Variants in MSRA observed in about 807,000 individuals in gnomAD.
The protein encoded by MSRA is methionine sulfoxide reductase A, also known as mitochondrial peptide methionine sulfoxide reductase.
MSRA carries 54 observed loss-of-function variants against 31.3 expected under a neutral mutation model. That is an observed-to-expected ratio of 1.73 (90% confidence interval 1.39 to 2.17). The LOEUF (loss-of-function observed/expected upper bound fraction) is 2.17. Among genes scored for constraint, MSRA ranks in the 30% most tolerant of loss-of-function variants. MSRA has a pLI of 0.00. For synonymous variants in MSRA, 169 were observed against 116.5 expected (o/e 1.45, Z -2.90); for missense variants, 507 against 300.9 (o/e 1.69, Z -5.07).
chr8:10,073,632 A>C (rs1485212860), intron 1 of MSRA, among the ~76,000 whole-genome samples: 2 of 150,940 alleles, frequency 1.3e-5, no homozygotes, highest in Non-Finnish European at 2.9e-5. Flanking sequence ...ACACACTCTT[A>C]CTCTAATTGG....
intron 3 of MSRA, among the ~76,000 whole-genome samples, chr8:10,301,287 A>T (rs957059896): frequency 6.6e-6 from 1 of 152,198 alleles, no homozygotes; most frequent in Admixed American, 6.5e-5. Flanking sequence ...AACTTAAAAC[A>T]ATTTATTAGA....
intron 1 of MSRA, among the ~76,000 whole-genome samples, chr8:10,157,658 T>C (rs189584098): frequency 6.6e-6 from 1 of 152,004 alleles, no homozygotes; most frequent in Non-Finnish European, 1.5e-5. Context: ...TTCTTTAATA[T>C]CAAATATGAG....
chr8:10,203,689 G>A (rs1338853988), intron 1 of MSRA, among the ~76,000 whole-genome samples: 2 of 152,192 alleles, frequency 1.3e-5, no homozygotes, highest in African/African-American at 4.8e-5. Flanking sequence ...TTATGTATTT[G>A]CTATACTATA....
intron 5 of MSRA, among the ~76,000 whole-genome samples, chr8:10,422,143 A>G (rs768672974): frequency 2.0e-5 from 3 of 152,190 alleles, no homozygotes; most frequent in South Asian, 2.1e-4. Flanking sequence ...TTAGCCAGGT[A>G]TGGTGGTGTA....
chr8:10,366,911 G>A (rs1349383054), intron 5 of MSRA, among the ~76,000 whole-genome samples: 1 of 152,072 alleles, frequency 6.6e-6, no homozygotes, highest in Non-Finnish European at 1.5e-5. Flanking sequence ...GGGTTGACCT[G>A]AGGTCTTGTG....
At chr8:10,214,224 G>A (rs2129063208) in intron 2 of MSRA, among the ~76,000 whole-genome samples, 1 of 152,210 alleles carries the variant, frequency 6.6e-6, no homozygotes, top group Admixed American at 6.5e-5. Flanking sequence ...TTTTTGAACA[G>A]CTGTGTGAAT....
At chr8:10,102,676 C>A (rs1197397078) in intron 1 of MSRA, among the ~76,000 whole-genome samples, 2 of 152,154 alleles carry the variant, frequency 1.3e-5, no homozygotes, top group African/African-American at 4.8e-5. Context: ...TATATCCAGG[C>A]ATGTTGGGTA....
chr8:10,290,927 G>A (rs1800198831), intron 3 of MSRA, among the ~76,000 whole-genome samples: 1 of 152,134 alleles, frequency 6.6e-6, no homozygotes, highest in Non-Finnish European at 1.5e-5. Flanking sequence ...TGGGAGTTTG[G>A]TGCCAGTCTA....
At chr8:10,098,660 G>A (rs1445533556) in intron 1 of MSRA, among the ~76,000 whole-genome samples, 3 of 152,194 alleles carry the variant, frequency 2.0e-5, no homozygotes, top group Non-Finnish European at 2.9e-5. Flanking sequence ...TGTAGAGTGT[G>A]ATTATAAAAA....
intron 5 of MSRA, among the ~76,000 whole-genome samples, chr8:10,405,058 G>A (rs1275199382): frequency 1.3e-5 from 2 of 152,182 alleles, no homozygotes; most frequent in African/African-American, 2.4e-5. Flanking sequence ...TGGTCTGGTG[G>A]ATGTCGGACA....
In MSRA at chr8:10,343,034, CACACACACACACACACACAG is replaced by C. The variant is rs1295503086; in HGVS notation, c.543+23065_543+23084del. On this transcript the variant is annotated intron_variant, in intron 5 of 5. Transcript: ENST00000317173. ...TGCATAAGCATTACACACACACACA[CACACACACACACACACACAG>C]ACACACACACACACACACACATTTT... Among the ~76,000 whole-genome samples the C allele has an allele frequency of 8.3e-3, 890 of 107,744 alleles. 24 individuals are homozygous for C. The East Asian group carries it at 0.17, about 20-fold the overall frequency. 70.7% of individuals were successfully genotyped at this position (107,744 alleles called of 152,430 possible).
At chr8:10,298,703 T>G (rs1423358076) in intron 3 of MSRA, among the ~76,000 whole-genome samples, 1 of 152,228 alleles carries the variant, frequency 6.6e-6, no homozygotes, top group Non-Finnish European at 1.5e-5. Flanking sequence ...AATCATAAAG[T>G]AACAGCTTTG....
chr8:10,152,368 T>G (rs183676830), intron 1 of MSRA, among the ~76,000 whole-genome samples: 1 of 152,302 alleles, frequency 6.6e-6, no homozygotes, highest in East Asian at 1.9e-4. Context: ...TCAGAGGGAA[T>G]GTGTAATAAA....
chr8:10,296,574 A>G (rs1482758483), intron 3 of MSRA, among the ~76,000 whole-genome samples: 1 of 152,268 alleles, frequency 6.6e-6, no homozygotes, highest in Admixed American at 6.5e-5. Context: ...TCCCCATGTC[A>G]TCACGGCTGA....
In MSRA at chr8:10,260,030, G is replaced by C. The variant is rs575734193; in HGVS notation, c.331+14807G>C. On this transcript the variant is annotated intron_variant, in intron 3 of 5. Transcript: ENST00000317173. Reference sequence around the variant, plus strand: ...TGCGTCACTGAGAATGCATCAGAGGGAGCAGTTCCGGGAAAGAGAAAACAA... The same window carrying C: ...TGCGTCACTGAGAATGCATCAGAGGCAGCAGTTCCGGGAAAGAGAAAACAA... Among the ~76,000 whole-genome samples the C allele has an allele frequency of 2.6e-5, 4 of 152,236 alleles. No individual in the cohort carries two copies. The South Asian group carries it at 8.3e-4, about 31-fold the overall frequency.
chr8:10,357,306 C>T (rs1391459179), intron 5 of MSRA, among the ~76,000 whole-genome samples: 3 of 152,182 alleles, frequency 2.0e-5, no homozygotes, highest in Non-Finnish European at 2.9e-5. Flanking sequence ...CATTTGGGTA[C>T]TCAGTGGCAC....
chr8:10,164,155 G>A (rs1703829307), intron 1 of MSRA, among the ~76,000 whole-genome samples: 2 of 152,136 alleles, frequency 1.3e-5, no homozygotes, highest in South Asian at 2.1e-4. Flanking sequence ...ACTTTTAACT[G>A]GACCTAAAGA....
Position 10,366,653 on chromosome 8 carries a change from G to C in MSRA, c.543+46664G>C, listed in dbSNP as rs555031945. On this transcript the variant is annotated intron_variant, in intron 5 of 5. Coordinates refer to ENST00000317173, the MANE Select transcript of MSRA (RefSeq NM_012331.5). Reference sequence around the variant, plus strand: ...ATCCCTGCTCCCGCATCCCCTGCTTGTACCTGTAACAGTACCTGCTACACT... The same window carrying C: ...ATCCCTGCTCCCGCATCCCCTGCTTCTACCTGTAACAGTACCTGCTACACT... Among the ~76,000 whole-genome samples the C allele has an allele frequency of 1.4e-4, 22 of 152,278 alleles. No homozygotes were observed. The East Asian group carries it at 3.7e-3, about 25-fold the overall frequency.
chr8:10,363,499 G>T (rs1288924114), intron 5 of MSRA, among the ~76,000 whole-genome samples: 1 of 152,098 alleles, frequency 6.6e-6, no homozygotes, highest in Non-Finnish European at 1.5e-5. Context: ...CTTCCCTCCA[G>T]GCCCTACCGT....
Sources: gnomAD v4.1 joint callset for allele counts (sites outside exome capture counted in the v4.1 genomes callset) on GRCh38, gnomAD v4.1.1 for gene constraint, MANE v1.5 for transcripts, NCBI Gene and HGNC (gene_info 2026-07-23, HGNC 2026-07-21) for gene names.